The following DNAJB4 variants were observed in gnomAD, a reference collection of about 807,000 sequenced individuals.
DNAJB4 encodes the protein DnaJ heat shock protein family (Hsp40) member B4.
In DNAJB4, 10 loss-of-function variants were observed where a neutral mutation model predicts 26.6. That is an observed-to-expected ratio of 0.38 (90% confidence interval 0.23 to 0.64). The LOEUF is 0.64. Among genes scored for constraint, DNAJB4 ranks in the 30% least tolerant of loss-of-function variants. The probability of loss-of-function intolerance (pLI) is 0.58; values close to 1 mark genes in which losing one functional copy is unlikely to be tolerated. For synonymous variants in DNAJB4, 136 were observed against 134.8 expected (o/e 1.01, Z -0.06); for missense variants, 328 against 408.2 (o/e 0.80, Z 1.69).
At chr1:78,003,704 A>G (rs1660247288), upstream of DNAJB4, among the ~76,000 whole-genome samples, 1 of 152,172 alleles carries the variant, frequency 6.6e-6, no homozygotes, top group South Asian at 2.1e-4. Context: ...CATACAGGAG[A>G]TAAAAGATGA....
chr1:77,998,660 C>T (rs111980750), intron 1 of DNAJB4, among the ~76,000 whole-genome samples: 3,453 of 151,870 alleles, frequency 0.023, 139 homozygotes, highest in African/African-American at 0.079. Flanking sequence ...GGCAACATGG[C>T]GAAACCTCAT....
At chr1:77,992,903 T>C (rs1024781156) in intron 1 of DNAJB4, 1 of 152,214 alleles carries the variant, frequency 6.6e-6, no homozygotes, top group Admixed American at 6.5e-5. Context: ...TTTGTATTTT[T>C]AGTAGAGACA....
rs201576053 is a variant in DNAJB4 at position 78,016,270 on chromosome 1, A to G, written c.*23A>G. On this transcript the variant is annotated 3_prime_UTR_variant, in exon 3 of 3. Coordinates refer to ENST00000370763, the MANE Select transcript of DNAJB4 (RefSeq NM_007034.5). ...TAGAATGAAGAACTTTGTTACACAT[A>G]TTTTGATAAGGCACTGAAAATATAA... 1,421 of 1,591,304 alleles carry G rather than the reference A, an allele frequency of 8.9e-4. 14 individuals carry two copies. Among genetic ancestry groups the G allele is most frequent in the Non-Finnish European group, 1.5e-4 (172 of 1,162,162 alleles).
At position 78,013,242 on chromosome 1, in the gene DNAJB4, T is replaced by G; in HGVS notation, c.403T>G (p.Phe135Val). The change falls in exon 2 of 3, where the codon TTT (phenylalanine) becomes GTT (valine). Residue 135 changes from phenylalanine (F) to valine (V), a missense_variant. Coordinates refer to ENST00000370763, the MANE Select transcript of DNAJB4 (RefSeq NM_007034.5). ...AATAGATGGTGATCCTTTTAGTGCC[T>G]TTGGTTTCAGCATGAATGGATATCC... Reference protein sequence around the residue: ...MEIDGDPFSAFGFSMNGYPRD... With the variant: ...MEIDGDPFSAVGFSMNGYPRD... The G allele has an allele frequency of 6.2e-7, 1 of 1,614,182 alleles. No individual in the cohort carries two copies. Among genetic ancestry groups the G allele is most frequent in the Non-Finnish European group, 8.5e-7 (1 of 1,180,038 alleles).
At chr1:77,982,477 C>T (rs924243330) in intron 1 of DNAJB4, among the ~76,000 whole-genome samples, 5 of 152,166 alleles carry the variant, frequency 3.3e-5, no homozygotes, top group Non-Finnish European at 7.3e-5. Context: ...ATTGCAGTGA[C>T]CTTTTATTTA....
intron 1 of DNAJB4, among the ~76,000 whole-genome samples, chr1:78,008,694 T>C (rs1281532759): frequency 5.9e-5 from 9 of 152,166 alleles, no homozygotes; most frequent in Admixed American, 5.9e-4. Context: ...TTTACTATAA[T>C]CAATTGAATT....
intron 1 of DNAJB4, among the ~76,000 whole-genome samples, chr1:78,012,149 C>CTTT (rs1284544816): frequency 8.8e-6 from 1 of 113,264 alleles, no homozygotes; most frequent in Non-Finnish European, 1.7e-5. Context: ...TTTTCTTTTT[C>CTTT]TTTTCTTTTC....
intron 1 of DNAJB4, among the ~76,000 whole-genome samples, chr1:78,008,931 CATTT>C (rs139209988): frequency 3.9e-5 from 6 of 152,174 alleles, no homozygotes; most frequent in Middle Eastern, 6.9e-3. Context: ...AACACATCCT[CATTT>C]ATTCTAGTTT....
chr1:77,992,622 C>A (rs1659960521), intron 1 of DNAJB4: 1 of 152,190 alleles, frequency 6.6e-6, no homozygotes, highest in Non-Finnish European at 1.5e-5. Context: ...ATAAGCATCT[C>A]ACCTCACACT....
chr1:77,988,004 A>G (rs1488145820), intron 1 of DNAJB4, among the ~76,000 whole-genome samples: 1 of 147,704 alleles, frequency 6.8e-6, no homozygotes, highest in Non-Finnish European at 1.5e-5. Flanking sequence ...ATATGCATAC[A>G]TTATATATAT....
chr1:77,983,925 C>T (rs1659731622), intron 1 of DNAJB4, among the ~76,000 whole-genome samples: 1 of 152,156 alleles, frequency 6.6e-6, no homozygotes, highest in African/African-American at 2.4e-5. Flanking sequence ...TTTTTAATGG[C>T]TTGCAGTTTG....
intron 1 of DNAJB4, among the ~76,000 whole-genome samples, chr1:77,997,556 C>T (rs1660092853): frequency 1.3e-5 from 2 of 151,962 alleles, no homozygotes; most frequent in South Asian, 4.1e-4. Flanking sequence ...CTGCCAGCTT[C>T]CCAGGGCAAG....
intron 1 of DNAJB4, among the ~76,000 whole-genome samples, chr1:77,994,679 T>G: frequency 6.6e-6 from 1 of 152,078 alleles, no homozygotes; most frequent in East Asian, 1.9e-4. Context: ...AAGAGACATT[T>G]TAGAAAAGAT....
At chr1:77,986,991 A>G (rs1659806723) in intron 1 of DNAJB4, among the ~76,000 whole-genome samples, 1 of 152,112 alleles carries the variant, frequency 6.6e-6, no homozygotes, top group African/African-American at 2.4e-5. Flanking sequence ...TTCTGCTACC[A>G]GTGTCCCTAC....
upstream of DNAJB4, among the ~76,000 whole-genome samples, chr1:78,000,469 C>A (rs1297791059): frequency 2.0e-5 from 3 of 152,094 alleles, no homozygotes; most frequent in Non-Finnish European, 4.4e-5. Flanking sequence ...AGGATTCTAA[C>A]CCAGGCACTC....
At position 77,983,678 on chromosome 1, in the gene DNAJB4, C is replaced by T. The variant is rs533857247; in HGVS notation, c.-32+3356C>T. On this transcript the variant is annotated intron_variant, in intron 1 of 2. Coordinates refer to the DNAJB4 transcript ENST00000426517. ...TCCATTTAACTCTGAGTTGACACAG[C>T]ACATGTTTCAGAGAGCACAGGGTTG... Among the ~76,000 whole-genome samples the T allele has an allele frequency of 1.2e-4, 18 of 152,292 alleles. No homozygotes were observed. The South Asian group carries it at 3.7e-3, about 32-fold the overall frequency.
intron 1 of DNAJB4, 63 bp from the exon 2 acceptor site, chr1:78,012,988 T>C: frequency 7.0e-7 from 1 of 1,423,256 alleles, no homozygotes; most frequent in Non-Finnish European, 9.4e-7. Flanking sequence ...CAATACAGTT[T>C]TTGAAAGTTT....
chr1:77,998,148 C>G (rs1004262717), intron 1 of DNAJB4, among the ~76,000 whole-genome samples: 3 of 152,142 alleles, frequency 2.0e-5, no homozygotes, highest in African/African-American at 7.2e-5. Context: ...TCTTCCCCCT[C>G]TAGAATGAGT....
At chr1:78,014,252 C>CAT (rs1660574731) in intron 2 of DNAJB4, among the ~76,000 whole-genome samples, 1 of 151,462 alleles carries the variant, frequency 6.6e-6, no homozygotes, top group East Asian at 1.9e-4. Context: ...GGATTACAGG[C>CAT]GCCCCCCACC....
Sources: gnomAD v4.1 joint callset for allele counts (sites outside exome capture counted in the v4.1 genomes callset) on GRCh38, gnomAD v4.1.1 for gene constraint, MANE v1.5 for transcripts, NCBI Gene and HGNC (gene_info 2026-07-23, HGNC 2026-07-21) for gene names.